The following SNTG1 variants were observed in gnomAD, a reference collection of about 807,000 sequenced individuals.
SNTG1 encodes gamma-1-syntrophin.
Under a neutral mutation model 74.7 loss-of-function variants are expected in SNTG1, and 39 were observed. That is an observed-to-expected ratio of 0.52 (90% CI 0.40 to 0.68). SNTG1 has a LOEUF of 0.68. Among genes scored for constraint, SNTG1 ranks in the 30% least tolerant of loss-of-function variants. The probability of loss-of-function intolerance (pLI) is 0.00; values close to 1 mark genes in which losing one functional copy is unlikely to be tolerated. For synonymous variants in SNTG1, 254 were observed against 217.1 expected, an observed-to-expected ratio of 1.17 and a Z score of -1.49; for missense variants, 685 against 609.5, an observed-to-expected ratio of 1.12 and a Z score of -1.30.
chr8:50,633,896 CCTATATCTGTGTATGCAGTAGA>C (rs1563673651), intron 13 of SNTG1, among the ~76,000 whole-genome samples: 1 of 152,080 alleles, frequency 6.6e-6, no homozygotes, highest in Non-Finnish European at 1.5e-5. Context: ...GTTTTTTATT[CCTATATCTGTGTATGCAGTAGA>C]AATTGTTGCA....
intron 1 of SNTG1, among the ~76,000 whole-genome samples, chr8:49,973,742 A>G (rs1563416738): frequency 6.6e-6 from 1 of 152,200 alleles, no homozygotes; most frequent in South Asian, 2.1e-4. Flanking sequence ...GTAGAATAAA[A>G]TTACAGATAC....
intron 4 of SNTG1, among the ~76,000 whole-genome samples, chr8:50,417,647 A>ATCTC (rs1287457542): frequency 6.6e-6 from 1 of 152,076 alleles, no homozygotes; most frequent in African/African-American, 2.4e-5. Context: ...GCTCCCTTAG[A>ATCTC]TGACAATGTC....
intron 12 of SNTG1, among the ~76,000 whole-genome samples, chr8:50,576,466 G>A (rs747440096): frequency 1.4e-4 from 21 of 152,008 alleles, no homozygotes; most frequent in African/African-American, 3.6e-4. Flanking sequence ...GAGATTCCAC[G>A]CAAATTTTTG....
chr8:49,982,147 T>G (rs1257451375), intron 1 of SNTG1, among the ~76,000 whole-genome samples: 2 of 152,116 alleles, frequency 1.3e-5, no homozygotes, highest in Non-Finnish European at 2.9e-5. Flanking sequence ...TGAAATCACT[T>G]ATAAAAAGAA....
At chr8:50,081,803 T>A (rs189345402) in intron 1 of SNTG1, among the ~76,000 whole-genome samples, 1 of 152,198 alleles carries the variant, frequency 6.6e-6, no homozygotes, top group South Asian at 2.1e-4. Flanking sequence ...CCGACTAATT[T>A]TGTATTTTTA....
intron 13 of SNTG1, among the ~76,000 whole-genome samples, chr8:50,653,753 G>T (rs181149615): frequency 6.6e-6 from 1 of 152,146 alleles, no homozygotes; most frequent in South Asian, 2.1e-4. Context: ...TATTTTGTAC[G>T]CCCTTGAATG....
intron 2 of SNTG1, among the ~76,000 whole-genome samples, chr8:50,357,361 C>T (rs1005649916): frequency 6.6e-6 from 1 of 152,200 alleles, no homozygotes; most frequent in Admixed American, 6.5e-5. Context: ...AACAAAAGAA[C>T]AGGTTTACAC....
At chr8:50,586,928 A>G (rs755571224) in intron 12 of SNTG1, among the ~76,000 whole-genome samples, 48 of 152,216 alleles carry the variant, frequency 3.2e-4, no homozygotes, top group Non-Finnish European at 5.6e-4. Context: ...TATAAAATAC[A>G]AAGCAGCAAA....
At chr8:50,719,033 T>C (rs1017737273) in intron 17 of SNTG1, among the ~76,000 whole-genome samples, 1 of 152,162 alleles carries the variant, frequency 6.6e-6, no homozygotes, top group Non-Finnish European at 1.5e-5. Flanking sequence ...TGTGTGTTCA[T>C]ATGTTAAAAA....
At chr8:49,914,804 T>A (rs973834077) in intron 1 of SNTG1, among the ~76,000 whole-genome samples, 1 of 152,194 alleles carries the variant, frequency 6.6e-6, no homozygotes, top group African/African-American at 2.4e-5. Context: ...GCCTGCTTAC[T>A]CACCTAGTTC....
intron 1 of SNTG1, among the ~76,000 whole-genome samples, chr8:50,128,502 A>G (rs1469115492): frequency 6.6e-6 from 1 of 152,166 alleles, no homozygotes; most frequent in Non-Finnish European, 1.5e-5. Context: ...AGTAATAAGT[A>G]CTTACATTCT....
intron 2 of SNTG1, among the ~76,000 whole-genome samples, chr8:50,309,705 A>G (rs1168804867): frequency 6.6e-6 from 1 of 152,196 alleles, no homozygotes; most frequent in Non-Finnish European, 1.5e-5. Flanking sequence ...AAGAAGAGTG[A>G]CATTGGCTTC....
chr8:50,756,987 G>A (rs1050199455), intron 18 of SNTG1, among the ~76,000 whole-genome samples: 2 of 151,520 alleles, frequency 1.3e-5, no homozygotes, highest in Middle Eastern at 3.2e-3. Context: ...TATTTAATTA[G>A]CTTTATATTA....
intron 13 of SNTG1, among the ~76,000 whole-genome samples, chr8:50,639,226 A>AT (rs1563679910): frequency 6.6e-6 from 1 of 151,518 alleles, no homozygotes; most frequent in Non-Finnish European, 1.5e-5. Context: ...CAGTTAAAAA[A>AT]AAAAAAGCTA....
chr8:50,221,823 C>A (rs906623610), intron 2 of SNTG1, among the ~76,000 whole-genome samples: 1 of 152,048 alleles, frequency 6.6e-6, no homozygotes, highest in Non-Finnish European at 1.5e-5. Context: ...CCAGATAGAG[C>A]CAATTTATCA....
chr8:49,969,627 C>T (rs2129913693), intron 1 of SNTG1, among the ~76,000 whole-genome samples: 1 of 151,956 alleles, frequency 6.6e-6, no homozygotes, highest in Admixed American at 6.6e-5. Flanking sequence ...AACCTCCTGA[C>T]CTCAGGTGAT....
chr8:50,347,865 G>A (rs942460758), intron 2 of SNTG1, among the ~76,000 whole-genome samples: 1 of 152,178 alleles, frequency 6.6e-6, no homozygotes, highest in African/African-American at 2.4e-5. Flanking sequence ...TTTAAATAGA[G>A]TTGTGGGGAA....
At chr8:50,446,697 G>T (rs773735045) in intron 5 of SNTG1, among the ~76,000 whole-genome samples, 3 of 151,856 alleles carry the variant, frequency 2.0e-5, no homozygotes, top group African/African-American at 4.8e-5. Context: ...AATAAAAACA[G>T]AAAACCAAAA....
chr8:50,421,538 T>C (rs867456976), intron 4 of SNTG1, among the ~76,000 whole-genome samples: 1 of 152,186 alleles, frequency 6.6e-6, no homozygotes, highest in African/African-American at 2.4e-5. Context: ...AAGACCTTTA[T>C]GACCTGTATC....
Sources: gnomAD v4.1 joint callset for allele counts (sites outside exome capture counted in the v4.1 genomes callset) on GRCh38, gnomAD v4.1.1 for gene constraint, MANE v1.5 for transcripts, NCBI Gene and HGNC (gene_info 2026-07-23, HGNC 2026-07-21) for gene names.